EIF4EBP2: variants seen among roughly 807,000 people sequenced by gnomAD.
The protein encoded by EIF4EBP2 is eukaryotic translation initiation factor 4E-binding protein 2.
In EIF4EBP2, 5 loss-of-function variants were observed where a neutral mutation model predicts 10.3. The ratio of observed to expected loss-of-function variants is 0.48; its 90% CI spans 0.25 to 1.02. EIF4EBP2 has a LOEUF of 1.02. Ranked by LOEUF, EIF4EBP2 falls within the 50% of genes least tolerant of loss-of-function variation. The pLI, the probability that EIF4EBP2 is intolerant of heterozygous loss-of-function variation, is 0.15. For missense variants in EIF4EBP2, 188 were observed against 162.2 expected (o/e 1.16, Z -0.86); for synonymous variants, 67 against 61.1 (o/e 1.10, Z -0.45).
intron 1 of EIF4EBP2, among the ~76,000 whole-genome samples, chr10:70,418,805 G>C (rs149937711): frequency 2.0e-5 from 3 of 152,118 alleles, no homozygotes; most frequent in African/African-American, 7.2e-5. Context: ...TACTTTCCTT[G>C]TCCTAAAATT....
intron 1 of EIF4EBP2, among the ~76,000 whole-genome samples, chr10:70,410,312 C>G (rs377101021): frequency 6.6e-6 from 1 of 152,158 alleles, no homozygotes; most frequent in South Asian, 2.1e-4. Context: ...TCAAGTGATC[C>G]GCCCACCTCG....
At chr10:70,407,141 A>G (rs1318424066) in intron 1 of EIF4EBP2, among the ~76,000 whole-genome samples, 2 of 137,140 alleles carry the variant, frequency 1.5e-5, no homozygotes, top group African/African-American at 5.5e-5. Flanking sequence ...GTTGTTGATC[A>G]TTCTTGGGTG....
chr10:70,410,322 GGCCTCCCAGAGT>G lies in EIF4EBP2; in HGVS notation c.145+5779_145+5790del, dbSNP rs755304606. Among the ~76,000 whole-genome samples the G allele has an allele frequency of 8.5e-4, 129 of 152,148 alleles. 1 individual carries two copies. Among genetic ancestry groups the G allele is most frequent in the Non-Finnish European group, 5.3e-4 (36 of 68,022 alleles). ...TGACCTCAAGTGATCCGCCCACCTC[GGCCTCCCAGAGT>G]GCTGGGATTGAACCACCATGCCCAG... On this transcript the variant is annotated intron_variant, in intron 1 of 2. Transcript: ENST00000373218.
intron 1 of EIF4EBP2, among the ~76,000 whole-genome samples, chr10:70,416,552 C>T (rs1180221164): frequency 7.3e-6 from 1 of 137,284 alleles, no homozygotes; most frequent in Non-Finnish European, 1.5e-5. Flanking sequence ...GTACTCCAGC[C>T]TGGTGACATA....
intron 1 of EIF4EBP2, among the ~76,000 whole-genome samples, chr10:70,409,916 T>C (rs972035163): frequency 2.6e-5 from 4 of 152,180 alleles, no homozygotes; most frequent in African/African-American, 9.7e-5. Context: ...CTTGGATAGT[T>C]GATATGATTG....
At position 70,424,640 on chromosome 10, in the gene EIF4EBP2, A is replaced by G. The variant is rs1392924162; in HGVS notation, c.*2893A>G. The G allele has an allele frequency of 2.0e-5, 3 of 152,238 alleles. No homozygotes were observed. Among genetic ancestry groups the G allele is most frequent in the African/African-American group, 7.2e-5 (3 of 41,458 alleles). 9.4% of individuals were successfully genotyped at this position (152,238 alleles called of 1,614,324 possible). On this transcript the variant is annotated 3_prime_UTR_variant, in exon 3 of 3. Coordinates refer to ENST00000373218, the MANE Select transcript of EIF4EBP2 (RefSeq NM_004096.5). ...AGTTACCACTTTGAGACAGCTCTTA[A>G]CATCTTAGTGACCATTTGTAGTTTT...
intron 1 of EIF4EBP2, among the ~76,000 whole-genome samples, chr10:70,418,473 C>T (rs1359078630): frequency 6.6e-6 from 1 of 152,214 alleles, no homozygotes; most frequent in Non-Finnish European, 1.5e-5. Flanking sequence ...CATCCGAACT[C>T]TGTATAGTGA....
chr10:70,423,512 T>C lies in EIF4EBP2; in HGVS notation c.*1765T>C, dbSNP rs1845179022. On this transcript the variant is annotated 3_prime_UTR_variant, in exon 3 of 3. Transcript: ENST00000373218. ...AAAGACAAAAGCATCCATCCCCTCA[T>C]AGTTAAGTAGCCACTGGTGTCCTGG... The C allele has an allele frequency of 6.6e-6, 1 of 152,416 alleles. No individual in the cohort carries two copies. Among genetic ancestry groups the C allele is most frequent in the Admixed American group, 6.5e-5 (1 of 15,284 alleles). 9.4% of individuals were successfully genotyped at this position (152,416 alleles called of 1,614,324 possible).
chr10:70,407,716 C>G (rs570990215), intron 1 of EIF4EBP2, among the ~76,000 whole-genome samples: 1 of 104,432 alleles, frequency 9.6e-6, no homozygotes, highest in African/African-American at 3.6e-5. Context: ...GCTCACCTCC[C>G]GGGCGGGGGG....
chr10:70,421,478 A>G (rs868220235), intron 2 of EIF4EBP2, among the ~76,000 whole-genome samples: 2 of 152,218 alleles, frequency 1.3e-5, no homozygotes, highest in Non-Finnish European at 2.9e-5. Context: ...CAAAGGGACA[A>G]TGGGGATGTT....
intron 1 of EIF4EBP2, among the ~76,000 whole-genome samples, chr10:70,410,768 T>G (rs1292393252): frequency 1.2e-4 from 19 of 152,258 alleles, no homozygotes; most frequent in Admixed American, 1.2e-3. Flanking sequence ...TCTGAGTGCA[T>G]TAGAAGCACT....
Position 70,428,568 on chromosome 10 carries a change from C to A in EIF4EBP2, c.*6821C>A, listed in dbSNP as rs1368540361. The A allele has an allele frequency of 6.6e-6, 1 of 152,216 alleles. No homozygotes were observed. Among genetic ancestry groups the A allele is most frequent in the Non-Finnish European group, 1.5e-5 (1 of 68,044 alleles). The allele number at this position is 152,216 out of a possible 1,614,324, so 9.4% of individuals were successfully genotyped here. On this transcript the variant is annotated 3_prime_UTR_variant, in exon 3 of 3. Transcript: ENST00000373218. Reference sequence around the variant, plus strand: ...TGGAAATTAAGGAAAAAATTAAATTCTCATCAATGGTTGCTGTTATAGTTA... The same window carrying A: ...TGGAAATTAAGGAAAAAATTAAATTATCATCAATGGTTGCTGTTATAGTTA...
intron 1 of EIF4EBP2, among the ~76,000 whole-genome samples, chr10:70,411,765 T>C (rs1845048969): frequency 6.6e-6 from 1 of 152,198 alleles, no homozygotes; most frequent in Admixed American, 6.5e-5. Flanking sequence ...TATTTCTTAG[T>C]TTGGGATATT....
intron 1 of EIF4EBP2, among the ~76,000 whole-genome samples, chr10:70,415,112 T>G (rs1466454697): frequency 1.3e-5 from 2 of 150,932 alleles, no homozygotes; most frequent in African/African-American, 2.4e-5. Context: ...GAGCCAAGAT[T>G]GCACTTCTGC....
At chr10:70,411,978 A>G (rs1845050596) in intron 1 of EIF4EBP2, among the ~76,000 whole-genome samples, 1 of 152,158 alleles carries the variant, frequency 6.6e-6, no homozygotes, top group Admixed American at 6.5e-5. Context: ...CTCAATAGCT[A>G]TTCCCTCTTC....
chr10:70,422,684 C>T lies in EIF4EBP2; in HGVS notation c.*937C>T, dbSNP rs1452371580. 4 of 152,188 alleles carry T rather than the reference C, an allele frequency of 2.6e-5. No individual in the cohort carries two copies. Among genetic ancestry groups the T allele is most frequent in the Non-Finnish European group, 4.4e-5 (3 of 68,048 alleles). The allele number at this position is 152,188 out of a possible 1,614,324, so 9.4% of individuals were successfully genotyped here. ...GTAAGGCCTGATCATAGTATTCTGT[C>T]AGATAATGCCTAAGAATGACCGCTG... On this transcript the variant is annotated 3_prime_UTR_variant, in exon 3 of 3. Transcript: ENST00000373218.
At chr10:70,410,289 C>T (rs1199035168) in intron 1 of EIF4EBP2, among the ~76,000 whole-genome samples, 2 of 152,134 alleles carry the variant, frequency 1.3e-5, no homozygotes, top group African/African-American at 4.8e-5. Context: ...AGGCTGGTCT[C>T]GAACTCCTGA....
rs1483537518 is a variant in EIF4EBP2 at position 70,425,072 on chromosome 10, G to A, written c.*3325G>A. ...GAAGTTACAGTCAAGATTGAACAGGGGCTGCAGTCAGCTGGAGCTGGAGAA... is the reference window on the plus strand; with the variant it reads ...GAAGTTACAGTCAAGATTGAACAGGAGCTGCAGTCAGCTGGAGCTGGAGAA... On this transcript the variant is annotated 3_prime_UTR_variant, in exon 3 of 3. Transcript: ENST00000373218. 1 of 152,228 alleles carries A rather than the reference G, an allele frequency of 6.6e-6. No homozygotes were observed. Among genetic ancestry groups the A allele is most frequent in the Non-Finnish European group, 1.5e-5 (1 of 68,052 alleles). The allele number at this position is 152,228 out of a possible 1,614,324, so 9.4% of individuals were successfully genotyped here. A position where few individuals can be genotyped will look rare whatever the true frequency, so the allele number is the denominator to read the frequency against.
In EIF4EBP2 at chr10:70,427,437, G is replaced by C. The variant is rs1040797740; in HGVS notation, c.*5690G>C. The C allele has an allele frequency of 6.6e-6, 1 of 152,194 alleles. No homozygotes were observed. The highest frequency in any genetic ancestry group is 1.5e-5 in the Non-Finnish European group (1 of 68,030). 9.4% of individuals were successfully genotyped at this position (152,194 alleles called of 1,614,324 possible). A position where few individuals can be genotyped will look rare whatever the true frequency, so the allele number is the denominator to read the frequency against. ...CTAGTCATGGTTTTCCAGTTTAGTA[G>C]TGGAGTTTCTTGAGGCTAACTTACA... On this transcript the variant is annotated 3_prime_UTR_variant, in exon 3 of 3. Coordinates refer to ENST00000373218, the MANE Select transcript of EIF4EBP2 (RefSeq NM_004096.5).
Sources: gnomAD v4.1 joint callset for allele counts (sites outside exome capture counted in the v4.1 genomes callset) on GRCh38, gnomAD v4.1.1 for gene constraint, MANE v1.5 for transcripts, NCBI Gene and HGNC (gene_info 2026-07-23, HGNC 2026-07-21) for gene names.